GABRB1: variants seen among roughly 807,000 people sequenced by gnomAD.
GABRB1 encodes the protein gamma-aminobutyric acid type A receptor subunit beta1, also known as gamma-aminobutyric acid receptor subunit beta-1.
A neutral mutation model predicts 51.6 loss-of-function variants in GABRB1; 17 were observed. The observed-to-expected ratio is 0.33, with a 90% CI of 0.23 to 0.49. The LOEUF is 0.49. Ranked by LOEUF, GABRB1 falls within the 20% of genes least tolerant of loss-of-function variation. The pLI is 0.99. For missense variants in GABRB1, 410 were observed against 600.6 expected, an observed-to-expected ratio of 0.68 and a Z score of 3.32; for synonymous variants, 247 against 218.9, an observed-to-expected ratio of 1.13 and a Z score of -1.14.
At chr4:47,175,028 C>CTTT (rs1718614869) in intron 4 of GABRB1, among the ~76,000 whole-genome samples, 1 of 142,092 alleles carries the variant, frequency 7.0e-6, no homozygotes, top group East Asian at 2.1e-4. Context: ...TTTCTTCCTT[C>CTTT]CTTCCTCCCT....
intron 4 of GABRB1, among the ~76,000 whole-genome samples, chr4:47,299,384 A>C: frequency 6.6e-6 from 1 of 152,170 alleles, no homozygotes; most frequent in Non-Finnish European, 1.5e-5. Flanking sequence ...AACTCAAACA[A>C]ATTTACAAGA....
At chr4:47,001,293 C>A (rs1368078305) in intron 1 of GABRB1, among the ~76,000 whole-genome samples, 1 of 151,938 alleles carries the variant, frequency 6.6e-6, no homozygotes, top group Non-Finnish European at 1.5e-5. Context: ...CAGGCGCCCC[C>A]CACCACGCCC....
chr4:47,042,154 A>T (rs1465167692), intron 3 of GABRB1, among the ~76,000 whole-genome samples: 1 of 151,928 alleles, frequency 6.6e-6, no homozygotes, highest in Non-Finnish European at 1.5e-5. Flanking sequence ...GAATAATAAC[A>T]TTCACTAGAA....
chr4:47,374,710 G>T (rs1289660197), intron 5 of GABRB1, among the ~76,000 whole-genome samples: 1 of 152,190 alleles, frequency 6.6e-6, no homozygotes, highest in Non-Finnish European at 1.5e-5. Context: ...CACAGGATTG[G>T]TGTCATGGCA....
chr4:47,034,801 G>A (rs987661159), intron 3 of GABRB1, among the ~76,000 whole-genome samples: 24 of 152,132 alleles, frequency 1.6e-4, no homozygotes, highest in South Asian at 4.1e-4. Flanking sequence ...TGGTTAGCCC[G>A]CACCCCCAAA....
At chr4:47,300,146 C>T (rs1232529249) in intron 4 of GABRB1, among the ~76,000 whole-genome samples, 1 of 151,364 alleles carries the variant, frequency 6.6e-6, no homozygotes, top group Non-Finnish European at 1.5e-5. Context: ...GGCTAAATGA[C>T]AAGTTAATGG....
intron 4 of GABRB1, among the ~76,000 whole-genome samples, chr4:47,300,160 C>T (rs115067780): frequency 0.023 from 3,443 of 151,580 alleles, 59 homozygotes; most frequent in Non-Finnish European, 0.034. Flanking sequence ...TTAATGGGTG[C>T]GGCACACTAG....
intron 5 of GABRB1, among the ~76,000 whole-genome samples, chr4:47,384,537 C>T (rs1578137477): frequency 6.6e-6 from 1 of 151,934 alleles, no homozygotes; most frequent in Admixed American, 6.6e-5. Flanking sequence ...ACCAAAAATA[C>T]CATAGAGATA....
chr4:47,141,397 G>T (rs571576448), intron 3 of GABRB1, among the ~76,000 whole-genome samples: 3 of 151,930 alleles, frequency 2.0e-5, no homozygotes, highest in Non-Finnish European at 1.5e-5. Context: ...TTTAGAATTT[G>T]AGAAGGTAGC....
At chr4:47,235,682 T>C (rs921021140) in intron 4 of GABRB1, among the ~76,000 whole-genome samples, 31 of 152,104 alleles carry the variant, frequency 2.0e-4, no homozygotes, top group Non-Finnish European at 4.1e-4. Flanking sequence ...CCTTTTATAA[T>C]TTTTTTAGTT....
intron 3 of GABRB1, among the ~76,000 whole-genome samples, chr4:47,140,207 G>A (rs1184707027): frequency 6.6e-6 from 1 of 151,594 alleles, no homozygotes; most frequent in Non-Finnish European, 1.5e-5. Context: ...AACACTGTGA[G>A]ATATAATGTA....
intron 3 of GABRB1, among the ~76,000 whole-genome samples, chr4:47,107,907 A>G (rs1193938834): frequency 6.6e-6 from 1 of 152,120 alleles, no homozygotes; most frequent in Non-Finnish European, 1.5e-5. Context: ...AGAGAAACCC[A>G]GAAAAAATAA....
intron 4 of GABRB1, among the ~76,000 whole-genome samples, chr4:47,237,569 TTTAAA>T (rs773772792): frequency 1.3e-5 from 2 of 152,178 alleles, no homozygotes; most frequent in Admixed American, 6.5e-5. Flanking sequence ...GCTGCTGTAC[TTTAAA>T]TTAGTTAATA....
intron 4 of GABRB1, among the ~76,000 whole-genome samples, chr4:47,199,706 G>A (rs184554315): frequency 6.6e-6 from 1 of 152,102 alleles, no homozygotes; most frequent in African/African-American, 2.4e-5. Flanking sequence ...GCGAGCATGT[G>A]CAAGTTCTCT....
chr4:47,295,581 A>G (rs1415926409), intron 4 of GABRB1, among the ~76,000 whole-genome samples: 2 of 152,210 alleles, frequency 1.3e-5, no homozygotes, highest in Non-Finnish European at 1.5e-5. Flanking sequence ...AGAAACGAAC[A>G]AAGCCTCCAA....
chr4:47,026,673 C>T (rs139976884), upstream of GABRB1, among the ~76,000 whole-genome samples: 41 of 152,136 alleles, frequency 2.7e-4, no homozygotes, highest in East Asian at 3.9e-3. Context: ...TAAGATTCTA[C>T]TTGGATAGCA....
At chr4:47,298,934 G>A (rs1220230824) in intron 4 of GABRB1, among the ~76,000 whole-genome samples, 12 of 151,458 alleles carry the variant, frequency 7.9e-5, no homozygotes, top group South Asian at 2.1e-4. Flanking sequence ...AAATAACGCC[G>A]CATATCTACA....
At chr4:47,287,535 T>A (rs1723554932) in intron 4 of GABRB1, among the ~76,000 whole-genome samples, 1 of 152,218 alleles carries the variant, frequency 6.6e-6, no homozygotes, top group African/African-American at 2.4e-5. Context: ...ACTTTTAAAG[T>A]CTTTATCTCT....
At chr4:47,208,560 T>C (rs1720229309) in intron 4 of GABRB1, among the ~76,000 whole-genome samples, 1 of 152,108 alleles carries the variant, frequency 6.6e-6, no homozygotes, top group South Asian at 2.1e-4. Flanking sequence ...TTGAATTGTA[T>C]ACTTTAAATG....
Sources: allele counts gnomAD v4.1 joint callset (sites outside exome capture counted in the v4.1 genomes callset), GRCh38; gene constraint gnomAD v4.1.1; transcripts MANE v1.5; gene names NCBI Gene and HGNC (gene_info 2026-07-23, HGNC 2026-07-21).